DRAM1: variants seen among roughly 807,000 people sequenced by gnomAD.
DRAM1 encodes DNA damage-regulated autophagy modulator protein 1.
In DRAM1, 25 loss-of-function variants were observed where a neutral mutation model predicts 28.5. That is an observed-to-expected ratio of 0.88 (90% CI 0.64 to 1.23). DRAM1 has a LOEUF of 1.23. Ranked by LOEUF, DRAM1 falls within the 50% of genes most tolerant of loss-of-function variation. The pLI is 0.00. For synonymous variants in DRAM1, 113 were observed against 114.2 expected (o/e 0.99, Z 0.07); for missense variants, 249 against 299.2 (o/e 0.83, Z 1.24).
At chr12:101,903,959 A>ACACC (rs202092215) in intron 3 of DRAM1, among the ~76,000 whole-genome samples, 10,331 of 124,128 alleles carry the variant, frequency 0.083, 423 homozygotes, top group East Asian at 0.2. Flanking sequence ...ACACACACAC[A>ACACC]CACCCCTATA....
chr12:101,897,879 C>T lies in DRAM1; in HGVS notation c.148C>T (p.Pro50Ser). The T allele has an allele frequency of 6.2e-7, 1 of 1,610,744 alleles. No homozygotes were observed. Among genetic ancestry groups the T allele is most frequent in the Non-Finnish European group, 8.5e-7 (1 of 1,177,386 alleles). Residue 50 changes from proline (P) to serine (S), a missense_variant, in exon 2 of 7, where the codon CCT becomes TCT. Pro to Ser is a moderately conservative substitution (Grantham distance 74). Transcript: ENST00000258534. Reference protein sequence around the residue: ...LPYISDTGTTPPESGIFGFMI... With the variant: ...LPYISDTGTTSPESGIFGFMI... The stretch of plus-strand genomic sequence containing the variant: ...CTTTGCCAGTGATACGGGAACAACA[C>T]CTCCAGAGAGTGGTATTTTTGGATT...
chr12:101,917,871 A>G (rs1874318856), intron 5 of DRAM1, among the ~76,000 whole-genome samples: 1 of 152,222 alleles, frequency 6.6e-6, no homozygotes, highest in African/African-American at 2.4e-5. Flanking sequence ...TCTGAAAGTG[A>G]GACCGCATAG....
chr12:101,915,136 C>T (rs544561810), intron 5 of DRAM1, among the ~76,000 whole-genome samples: 1 of 152,084 alleles, frequency 6.6e-6, no homozygotes, highest in South Asian at 2.1e-4. Context: ...CCTGCCACCA[C>T]CCCCGGCTAC....
At chr12:101,907,970 GT>G (rs1254763364) in intron 3 of DRAM1, among the ~76,000 whole-genome samples, 1 of 152,036 alleles carries the variant, frequency 6.6e-6, no homozygotes, top group African/African-American at 2.4e-5. Flanking sequence ...TCCTTTCCTT[GT>G]CCCATGAGCC....
intron 1 of DRAM1, among the ~76,000 whole-genome samples, chr12:101,889,121 A>T (rs1873000531): frequency 6.6e-6 from 1 of 152,150 alleles, no homozygotes; most frequent in Admixed American, 6.6e-5. Flanking sequence ...AATTAAAAAA[A>T]AGTTTCATAG....
At chr12:101,908,139 T>C in intron 3 of DRAM1, 47 bp from the exon 4 acceptor site, 1 of 1,535,624 alleles carries the variant, frequency 6.5e-7, no homozygotes, top group African/African-American at 1.4e-5. Flanking sequence ...CGGTTCGATG[T>C]TGACAAACCC....
At chr12:101,878,270 A>G (rs1018811199) in intron 1 of DRAM1, among the ~76,000 whole-genome samples, 2 of 152,160 alleles carry the variant, frequency 1.3e-5, no homozygotes, top group Non-Finnish European at 2.9e-5. Flanking sequence ...ATTATACAAG[A>G]GGTAGATCCA....
chr12:101,913,744 AT>A (rs1874129486), intron 4 of DRAM1, among the ~76,000 whole-genome samples: 1 of 149,864 alleles, frequency 6.7e-6, no homozygotes, highest in Non-Finnish European at 1.5e-5. Context: ...GGAAAATAGT[AT>A]TTTAGGGAAA....
At chr12:101,897,811 G>A in intron 1 of DRAM1, 52 bp from the exon 2 acceptor site, 1 of 1,330,902 alleles carries the variant, frequency 7.5e-7, no homozygotes, top group Admixed American at 1.7e-5. Flanking sequence ...TCTTCCCAGA[G>A]GTCTGGACAG....
At chr12:101,879,544 G>A (rs1421322014) in intron 1 of DRAM1, among the ~76,000 whole-genome samples, 5 of 152,078 alleles carry the variant, frequency 3.3e-5, no homozygotes, top group African/African-American at 9.7e-5. Context: ...GCCTCCCAGA[G>A]TGTTGGGATT....
chr12:101,887,457 C>T (rs149063472), intron 1 of DRAM1, among the ~76,000 whole-genome samples: 294 of 152,204 alleles, frequency 1.9e-3, no homozygotes, highest in African/African-American at 6.9e-3. Context: ...CAAATGAATA[C>T]ACATTGATAC....
At chr12:101,901,888 A>G (rs1173715434) in intron 3 of DRAM1, among the ~76,000 whole-genome samples, 1 of 139,634 alleles carries the variant, frequency 7.2e-6, no homozygotes, top group Non-Finnish European at 1.5e-5. Context: ...AAAAAAAAGC[A>G]TTTGAAAGTG....
chr12:101,889,665 C>T (rs1023515178), intron 1 of DRAM1, among the ~76,000 whole-genome samples: 4 of 152,144 alleles, frequency 2.6e-5, no homozygotes, highest in South Asian at 2.1e-4. Context: ...GTGAGCAGGA[C>T]GTGGTGGCTT....
chr12:101,910,379 T>G (rs996091366), intron 4 of DRAM1, among the ~76,000 whole-genome samples: 2 of 152,130 alleles, frequency 1.3e-5, no homozygotes, highest in African/African-American at 4.8e-5. Context: ...TGCTTCCAAC[T>G]TCGGAAACAG....
chr12:101,879,514 C>T (rs1872614652), intron 1 of DRAM1, among the ~76,000 whole-genome samples: 1 of 152,214 alleles, frequency 6.6e-6, no homozygotes, highest in Admixed American at 6.5e-5. Context: ...CTCCTGGGCT[C>T]AAGCATTCCC....
At chr12:101,888,341 G>A (rs1215424949) in intron 1 of DRAM1, among the ~76,000 whole-genome samples, 2 of 151,946 alleles carry the variant, frequency 1.3e-5, no homozygotes, top group African/African-American at 2.4e-5. Context: ...ATGTTGGTTA[G>A]GCTGGTCTCG....
chr12:101,903,044 G>A (rs1339185951), intron 3 of DRAM1, among the ~76,000 whole-genome samples: 1 of 151,746 alleles, frequency 6.6e-6, no homozygotes, highest in Non-Finnish European at 1.5e-5. Flanking sequence ...TCAGCCTCCC[G>A]AGTAGCTGGG....
chr12:101,888,281 C>T (rs921631880), intron 1 of DRAM1, among the ~76,000 whole-genome samples: 1 of 151,986 alleles, frequency 6.6e-6, no homozygotes, highest in Non-Finnish European at 1.5e-5. Context: ...AGGCGTCCGC[C>T]ACCATGCCTG....
intron 4 of DRAM1, among the ~76,000 whole-genome samples, chr12:101,912,547 G>A (rs1874079804): frequency 6.6e-6 from 1 of 152,090 alleles, no homozygotes; most frequent in African/African-American, 2.4e-5. Context: ...TAATTAAGAG[G>A]CTTTTAAACT....
Sources: allele counts gnomAD v4.1 joint callset (sites outside exome capture counted in the v4.1 genomes callset), GRCh38; gene constraint gnomAD v4.1.1; transcripts MANE v1.5; gene names NCBI Gene and HGNC (gene_info 2026-07-23, HGNC 2026-07-21).